The following GNAI1 variants were observed in gnomAD, a reference collection of about 807,000 sequenced individuals.
The protein encoded by GNAI1 is guanine nucleotide-binding protein G(i) subunit alpha-1.
A neutral mutation model predicts 38.9 loss-of-function variants in GNAI1; 11 were observed. The observed-to-expected ratio is 0.28, with a 90% CI of 0.18 to 0.47. The LOEUF (loss-of-function observed/expected upper bound fraction) is 0.47, where lower values mean the gene tolerates loss of function less well. Ranked by LOEUF, GNAI1 falls within the 20% of genes least tolerant of loss-of-function variation. The probability of loss-of-function intolerance (pLI) is 0.99; values close to 1 mark genes in which losing one functional copy is unlikely to be tolerated. For missense variants in GNAI1, 317 were observed against 436.9 expected (o/e 0.73, Z 2.45); for synonymous variants, 166 against 145.1 (o/e 1.14, Z -1.04).
intron 3 of GNAI1, 37 bp from the exon 4 acceptor site, chr7:80,199,188 T>C (rs1408379193): frequency 6.8e-7 from 1 of 1,480,448 alleles, no homozygotes; most frequent in South Asian, 1.3e-5. Context: ...CTCTGACGTA[T>C]CCCTTTTTAC....
chr7:80,141,935 C>G (rs763353620), intron 1 of GNAI1, among the ~76,000 whole-genome samples: 1 of 152,130 alleles, frequency 6.6e-6, no homozygotes, highest in Admixed American at 6.5e-5. Flanking sequence ...CATGTTTCAC[C>G]TTTCTTCCCA....
intron 1 of GNAI1, among the ~76,000 whole-genome samples, chr7:80,169,814 T>C (rs1788071428): frequency 6.6e-6 from 1 of 152,186 alleles, no homozygotes; most frequent in Admixed American, 6.5e-5. Context: ...TTCATGACCT[T>C]TACCAGTCAC....
intron 1 of GNAI1, among the ~76,000 whole-genome samples, chr7:80,139,295 A>G (rs1373964407): frequency 6.6e-6 from 1 of 151,914 alleles, no homozygotes; most frequent in African/African-American, 2.4e-5. Flanking sequence ...CTTTCCCTCT[A>G]GCCTGTTCTT....
intron 5 of GNAI1, among the ~76,000 whole-genome samples, chr7:80,208,421 AT>A (rs1345602209): frequency 6.6e-6 from 1 of 152,182 alleles, no homozygotes; most frequent in African/African-American, 2.4e-5. Context: ...AGTTATCTTC[AT>A]CTAGCTCTCT....
intron 1 of GNAI1, among the ~76,000 whole-genome samples, chr7:80,182,329 T>C (rs1788309487): frequency 6.6e-6 from 1 of 152,202 alleles, no homozygotes; most frequent in Non-Finnish European, 1.5e-5. Context: ...TATACTGATT[T>C]CATTTCCTTT....
chr7:80,145,781 T>C (rs1330275151), intron 1 of GNAI1, among the ~76,000 whole-genome samples: 1 of 152,148 alleles, frequency 6.6e-6, no homozygotes, highest in Non-Finnish European at 1.5e-5. Context: ...TTTTCATTTG[T>C]GAGCATATAT....
chr7:80,172,546 CT>C (rs933538534), intron 1 of GNAI1, among the ~76,000 whole-genome samples: 10 of 151,884 alleles, frequency 6.6e-5, no homozygotes, highest in African/African-American at 9.7e-5. Flanking sequence ...GAGTCATGAC[CT>C]TTTTTTTCTT....
chr7:80,145,798 G>C (rs1266668261), intron 1 of GNAI1, among the ~76,000 whole-genome samples: 1 of 152,118 alleles, frequency 6.6e-6, no homozygotes, highest in East Asian at 1.9e-4. Context: ...ATATTAAGCA[G>C]TACGTTGTCT....
chr7:80,172,487 T>C (rs1259301940), intron 1 of GNAI1, among the ~76,000 whole-genome samples: 2 of 152,180 alleles, frequency 1.3e-5, no homozygotes, highest in African/African-American at 4.8e-5. Context: ...ACCTTGAGTA[T>C]TTATTTTAGT....
In GNAI1 at chr7:80,188,967, T is replaced by G. The variant is rs147937975; in HGVS notation, c.135T>G (p.Gly45=). The G allele has an allele frequency of 1.5e-5, 24 of 1,607,508 alleles. No homozygotes were observed. The highest frequency in any genetic ancestry group is 2.0e-5 in the Non-Finnish European group (24 of 1,175,562). Reference sequence around the variant, plus strand: ...TATTTTTAGGTGCTGGTGAATCTGGTAAAAGTACAATTGTGAAGCAGATGA... The same window carrying G: ...TATTTTTAGGTGCTGGTGAATCTGGGAAAAGTACAATTGTGAAGCAGATGA... ...KLLLLGAGES[G]KSTIVKQMKI... Residue 45 remains glycine (G), a synonymous_variant, in exon 2 of 8, where the codon GGT becomes GGG. Coordinates refer to ENST00000649796, the MANE Select transcript of GNAI1 (RefSeq NM_002069.6).
At chr7:80,149,488 T>G (rs1210932737) in intron 1 of GNAI1, among the ~76,000 whole-genome samples, 1 of 152,116 alleles carries the variant, frequency 6.6e-6, no homozygotes, top group East Asian at 1.9e-4. Flanking sequence ...CACCTTACCC[T>G]CATGAGCATT....
At chr7:80,209,156 T>C (rs1016999215) in intron 5 of GNAI1, among the ~76,000 whole-genome samples, 2 of 152,210 alleles carry the variant, frequency 1.3e-5, no homozygotes, top group African/African-American at 4.8e-5. Flanking sequence ...CTCCTACATA[T>C]TACCCAATTC....
At chr7:80,189,383 GA>G (rs1788441700) in intron 3 of GNAI1, 152 bp downstream of exon 3, 2 of 669,438 alleles carry the variant, frequency 3.0e-6, no homozygotes, top group Admixed American at 6.2e-5. Flanking sequence ...AGGAGCGTTA[GA>G]AGTGAGTGAA....
At chr7:80,155,194 A>G (rs1334741703) in intron 1 of GNAI1, among the ~76,000 whole-genome samples, 1 of 152,164 alleles carries the variant, frequency 6.6e-6, no homozygotes, top group Non-Finnish European at 1.5e-5. Flanking sequence ...AAAGTTTAAT[A>G]CTTTTTATAA....
intron 7 of GNAI1, among the ~76,000 whole-genome samples, chr7:80,216,259 A>G (rs530087355): frequency 6.6e-6 from 1 of 151,058 alleles, no homozygotes; most frequent in East Asian, 2.0e-4. Flanking sequence ...CAAGAAACCA[A>G]ACAGCTTCAG....
chr7:80,217,304 A>T lies in GNAI1; in HGVS notation c.876A>T (p.Gly292=), dbSNP rs752711696. Residue 292 remains glycine, a splice_region_variant and synonymous_variant, in exon 8 of 8, where the codon GGA becomes GGT. Coordinates refer to ENST00000649796, the MANE Select transcript of GNAI1 (RefSeq NM_002069.6). The part of the protein sequence containing the change: ...PLTICYPEYA[G]SNTYEEAAAY... ...GTTTCTTTCCTTTTTCCATCTCAGGATCAAACACATATGAAGAGGCAGCTG... is the reference window on the plus strand; with the variant it reads ...GTTTCTTTCCTTTTTCCATCTCAGGTTCAAACACATATGAAGAGGCAGCTG... 6.5e-7 allele frequency: 1 copy of T among 1,541,952 alleles called. No homozygotes were observed. Among genetic ancestry groups the T allele is most frequent in the South Asian group, 1.2e-5 (1 of 80,316 alleles).
At position 80,221,426 on chromosome 7, in the gene GNAI1, T is replaced by C. The variant is rs1449505007; in HGVS notation, c.*3933T>C. ...TGCCTTTAAAATCATAATCAGTGCT[T>C]AACAAATGGTTGTTGATACGTGCTT... On this transcript the variant is annotated 3_prime_UTR_variant, in exon 8 of 8. Transcript: ENST00000649796. 6.6e-6 allele frequency among the ~76,000 whole-genome samples: 1 copy of C among 152,128 alleles called. No homozygotes were observed. Among genetic ancestry groups the C allele is most frequent in the Non-Finnish European group, 1.5e-5 (1 of 68,034 alleles).
intron 5 of GNAI1, among the ~76,000 whole-genome samples, chr7:80,207,945 T>C (rs1366015516): frequency 6.6e-6 from 1 of 152,152 alleles, no homozygotes. Context: ...GCATTCTTTC[T>C]ATCCTAAAAT....
At chr7:80,202,095 T>G (rs544454049) in intron 4 of GNAI1, among the ~76,000 whole-genome samples, 40 of 152,216 alleles carry the variant, frequency 2.6e-4, no homozygotes, top group African/African-American at 9.4e-4. Flanking sequence ...TTGTTTCTGG[T>G]TTTTTTGTTT....
Sources: gnomAD v4.1 joint callset for allele counts (sites outside exome capture counted in the v4.1 genomes callset) on GRCh38, gnomAD v4.1.1 for gene constraint, MANE v1.5 for transcripts, NCBI Gene and HGNC (gene_info 2026-07-23, HGNC 2026-07-21) for gene names.